KCNT2: variants seen among roughly 807,000 people sequenced by gnomAD.
KCNT2 encodes the protein potassium sodium-activated channel subfamily T member 2.
A neutral mutation model predicts 153.8 loss-of-function variants in KCNT2; 67 were observed. That is an observed-to-expected ratio of 0.44 (90% confidence interval 0.36 to 0.53). The LOEUF (loss-of-function observed/expected upper bound fraction) is 0.53, where lower values mean the gene tolerates loss of function less well. Ranked by LOEUF, KCNT2 falls within the 20% of genes least tolerant of loss-of-function variation. The pLI, the probability that KCNT2 is intolerant of heterozygous loss-of-function variation, is 0.00. For missense variants in KCNT2, 975 were observed against 1,354.8 expected, an observed-to-expected ratio of 0.72 and a Z score of 4.40; for synonymous variants, 500 against 458.8, an observed-to-expected ratio of 1.09 and a Z score of -1.15.
chr1:196,425,207 T>G (rs936583487), intron 11 of KCNT2, among the ~76,000 whole-genome samples: 3 of 152,048 alleles, frequency 2.0e-5, no homozygotes, highest in Admixed American at 6.6e-5. Flanking sequence ...ACTCTCACTC[T>G]ACTCATATGA....
intron 26 of KCNT2, chr1:196,257,881 T>C (rs2147778143): frequency 1.0e-6 from 1 of 982,384 alleles, no homozygotes. Context: ...GAAGGCTACC[T>C]GACTTAGGTT....
In KCNT2 at chr1:196,257,888, G is replaced by T. The variant is rs184865936; in HGVS notation, c.3211+306C>A. 1.4e-4 allele frequency: 142 copies of T among 979,654 alleles called. No individual in the cohort carries two copies. The African/African-American group carries it at 2.0e-3, about 14-fold the overall frequency. The allele number at this position is 979,654 out of a possible 1,614,324, so 60.7% of individuals were successfully genotyped here. On this transcript the variant is annotated intron_variant, in intron 26 of 27. Transcript: ENST00000294725. ...GATAATTAGAAGGCTACCTGACTTA[G>T]GTTCTTTACTTCTAACATGAAAACA...
chr1:196,315,322 T>C (rs368175569), intron 21 of KCNT2, among the ~76,000 whole-genome samples: 1 of 151,676 alleles, frequency 6.6e-6, no homozygotes, highest in East Asian at 1.9e-4. Context: ...AGCATGGCTC[T>C]TTCTCTAGTC....
intron 1 of KCNT2, among the ~76,000 whole-genome samples, chr1:196,538,714 C>G (rs915310415): frequency 1.3e-5 from 2 of 152,136 alleles, no homozygotes; most frequent in African/African-American, 4.8e-5. Context: ...CACTGGAAAG[C>G]CACTTCAGCC....
intron 8 of KCNT2, among the ~76,000 whole-genome samples, chr1:196,447,156 T>C (rs1675755615): frequency 6.6e-6 from 1 of 151,528 alleles, no homozygotes; most frequent in African/African-American, 2.4e-5. Flanking sequence ...TGATAAAAAC[T>C]CAGTTTCATT....
chr1:196,325,452 G>A (rs1170309594), intron 19 of KCNT2, among the ~76,000 whole-genome samples: 1 of 152,114 alleles, frequency 6.6e-6, no homozygotes. Context: ...AACTCACACA[G>A]TTAGGCATCC....
At chr1:196,262,320 A>G (rs950487448) in intron 25 of KCNT2, among the ~76,000 whole-genome samples, 1 of 151,984 alleles carries the variant, frequency 6.6e-6, no homozygotes, top group Non-Finnish European at 1.5e-5. Flanking sequence ...CAATTCACTT[A>G]GTAGTTTGAA....
chr1:196,542,468 A>G (rs559529607), intron 1 of KCNT2, among the ~76,000 whole-genome samples: 71 of 152,174 alleles, frequency 4.7e-4, no homozygotes, highest in Non-Finnish European at 1.0e-3. Context: ...AGATGGAGTT[A>G]TAAGTCTAGT....
chr1:196,371,383 GGT>G (rs1668522148), intron 14 of KCNT2, among the ~76,000 whole-genome samples: 1 of 151,894 alleles, frequency 6.6e-6, no homozygotes. Context: ...GATGCTAAAG[GGT>G]AGATAATTTC....
intron 1 of KCNT2, among the ~76,000 whole-genome samples, chr1:196,584,275 G>A (rs1275286800): frequency 6.6e-6 from 1 of 151,978 alleles, no homozygotes; most frequent in Admixed American, 6.6e-5. Flanking sequence ...CAAGAAAAAA[G>A]CAAAGGCTGT....
chr1:196,297,311 C>G (rs77905487), intron 22 of KCNT2, among the ~76,000 whole-genome samples: 8,170 of 152,098 alleles, frequency 0.054, 302 homozygotes, highest in Non-Finnish European at 0.08. Flanking sequence ...AAATTCATTA[C>G]TTTTCTGCAT....
At chr1:196,315,633 A>T (rs559224812) in intron 21 of KCNT2, among the ~76,000 whole-genome samples, 2 of 151,846 alleles carry the variant, frequency 1.3e-5, no homozygotes, top group South Asian at 4.1e-4. Flanking sequence ...GATTTTCAAG[A>T]ATTTGCTACT....
intron 25 of KCNT2, among the ~76,000 whole-genome samples, chr1:196,276,623 T>A (rs1419564708): frequency 6.6e-6 from 1 of 152,050 alleles, no homozygotes; most frequent in Non-Finnish European, 1.5e-5. Context: ...CTCCTTCATT[T>A]TACTCATTCA....
intron 12 of KCNT2, among the ~76,000 whole-genome samples, chr1:196,403,686 A>G (rs1671603668): frequency 6.6e-6 from 1 of 151,464 alleles, no homozygotes; most frequent in Admixed American, 6.6e-5. Context: ...GACATTCTCT[A>G]TATTTTTTGT....
rs1665946346 is a variant in KCNT2, at chr1:196,344,242, CA to C, written c.1404-2015del. ...AAAACACGCAGTAAATGTAAGCTGC[CA>C]ATATTACTCTGATGTTACATCTTCC... On this transcript the variant is annotated intron_variant, in intron 14 of 27. Coordinates refer to ENST00000294725, the MANE Select transcript of KCNT2 (RefSeq NM_198503.5). 2.0e-5 allele frequency among the ~76,000 whole-genome samples: 3 copies of C among 152,208 alleles called. No individual in the cohort carries two copies. The South Asian group carries it at 6.2e-4, about 32-fold the overall frequency.
intron 1 of KCNT2, among the ~76,000 whole-genome samples, chr1:196,500,888 A>G (rs138701529): frequency 1.1e-3 from 164 of 152,334 alleles, no homozygotes; most frequent in African/African-American, 3.1e-3. Flanking sequence ...TGTGCAAAGG[A>G]TATGAACAGA....
chr1:196,591,340 G>T (rs1258810399), intron 1 of KCNT2, among the ~76,000 whole-genome samples: 2 of 152,040 alleles, frequency 1.3e-5, no homozygotes, highest in South Asian at 2.1e-4. Flanking sequence ...CTGGTACCAT[G>T]CTTGCACAGC....
intron 22 of KCNT2, among the ~76,000 whole-genome samples, chr1:196,298,036 A>G (rs1256059660): frequency 1.3e-5 from 2 of 152,180 alleles, no homozygotes; most frequent in Admixed American, 6.6e-5. Context: ...TATTGAAAAA[A>G]TGACATTTTT....
rs745438647 is a variant in KCNT2 at position 196,258,246 on chromosome 1, A to G, written c.3159T>C (p.Ala1053=). ...LYRRSERQEL[A]ELVKNRMKHL... ...GTTTCATTCTATTTTTCACAAGTTC[A>G]GCAAGCTCTTGTCTTTCTGACCTCC... Residue 1053 remains alanine (A), a synonymous_variant, in exon 26 of 28, where the codon GCT becomes GCC. Transcript: ENST00000294725. 1.2e-6 allele frequency: 2 copies of G among 1,614,066 alleles called. No homozygotes were observed. The highest frequency in any genetic ancestry group is 1.7e-6 in the Non-Finnish European group (2 of 1,179,928).
Sources: allele counts gnomAD v4.1 joint callset (sites outside exome capture counted in the v4.1 genomes callset), GRCh38; gene constraint gnomAD v4.1.1; transcripts MANE v1.5; gene names NCBI Gene and HGNC (gene_info 2026-07-23, HGNC 2026-07-21).